CRISP1: variants seen among roughly 807,000 people sequenced by gnomAD.
CRISP1 encodes the protein cysteine-rich secretory protein 1.
CRISP1 carries 44 observed loss-of-function variants against 33.1 expected under a neutral mutation model. The observed-to-expected ratio is 1.33, with a 90% CI of 1.05 to 1.71. CRISP1 has a LOEUF of 1.71. Ranked by LOEUF, CRISP1 falls within the 40% of genes most tolerant of loss-of-function variation. The pLI is 0.00. For missense variants in CRISP1, 390 were observed against 301.2 expected (o/e 1.29, Z -2.18); for synonymous variants, 103 against 98.7 (o/e 1.04, Z -0.26).
intron 1 of CRISP1, among the ~76,000 whole-genome samples, chr6:49,873,588 T>A (rs1179855290): frequency 6.6e-6 from 1 of 152,076 alleles, no homozygotes; most frequent in African/African-American, 2.4e-5. Context: ...TAATTAAAAA[T>A]GAAGTTTTCA....
At chr6:49,842,937 GTCT>G (rs745511875) in intron 5 of CRISP1, among the ~76,000 whole-genome samples, 1 of 152,060 alleles carries the variant, frequency 6.6e-6, no homozygotes, top group Non-Finnish European at 1.5e-5. Flanking sequence ...TGATTTCATT[GTCT>G]TCATTCCTGG....
chr6:49,872,486 C>T (rs1771947663), intron 1 of CRISP1, among the ~76,000 whole-genome samples: 1 of 152,086 alleles, frequency 6.6e-6, no homozygotes, highest in Admixed American at 6.6e-5. Context: ...ATGCCTATGT[C>T]CTGAGTGGTG....
chr6:49,843,604 A>C (rs1273734185), intron 5 of CRISP1, among the ~76,000 whole-genome samples: 2 of 152,224 alleles, frequency 1.3e-5, no homozygotes, highest in African/African-American at 4.8e-5. Context: ...GGTTTAAGTC[A>C]TTCAGGAATG....
At chr6:49,861,558 G>A (rs1379381382) in intron 1 of CRISP1, among the ~76,000 whole-genome samples, 1 of 151,976 alleles carries the variant, frequency 6.6e-6, no homozygotes, top group Non-Finnish European at 1.5e-5. Flanking sequence ...ATCTCTTCCT[G>A]ACAAAAAACT....
chr6:49,875,229 A>G (rs377375023), intron 1 of CRISP1, among the ~76,000 whole-genome samples: 170 of 152,124 alleles, frequency 1.1e-3, no homozygotes, highest in Middle Eastern at 6.8e-3. Flanking sequence ...CAGAATACAA[A>G]GTCAATGTGC....
chr6:49,839,197 G>A (rs775873187), intron 6 of CRISP1, among the ~76,000 whole-genome samples: 5 of 145,896 alleles, frequency 3.4e-5, no homozygotes, highest in Non-Finnish European at 7.4e-5. Flanking sequence ...CACTTTGAGA[G>A]GGCAAAGTGG....
Position 49,835,126 on chromosome 6 carries a change from T to G in CRISP1, c.*190A>C. 2.0e-6 allele frequency: 1 copy of G among 501,976 alleles called. No individual in the cohort carries two copies. Among genetic ancestry groups the G allele is most frequent in the East Asian group, 3.2e-5 (1 of 30,890 alleles). The allele number at this position is 501,976 out of a possible 1,614,324, so 31.1% of individuals were successfully genotyped here. The stretch of plus-strand genomic sequence containing the variant: ...TTTAAGGCAGGTGTTGGACTTGACC[T>G]TTTACTCCAGCACTAAGAAAGTTTA... On this transcript the variant is annotated 3_prime_UTR_variant, in exon 8 of 8. Coordinates refer to ENST00000335847, the MANE Select transcript of CRISP1 (RefSeq NM_001131.3).
At chr6:49,872,346 A>T (rs1389359772) in intron 1 of CRISP1, among the ~76,000 whole-genome samples, 1 of 151,908 alleles carries the variant, frequency 6.6e-6, no homozygotes. Context: ...CCCATTTTGT[A>T]GGTTGCCTGT....
At chr6:49,859,939 A>G (rs1771601872) in intron 1 of CRISP1, among the ~76,000 whole-genome samples, 1 of 152,134 alleles carries the variant, frequency 6.6e-6, no homozygotes, top group African/African-American at 2.4e-5. Context: ...GCAAATGGAA[A>G]CCAAAACCAA....
intron 1 of CRISP1, among the ~76,000 whole-genome samples, chr6:49,864,916 A>C (rs1212362076): frequency 6.6e-6 from 1 of 152,078 alleles, no homozygotes; most frequent in African/African-American, 2.4e-5. Flanking sequence ...AAATCTAGCT[A>C]ATTTTTATTT....
At position 49,840,965 on chromosome 6, in the gene CRISP1, A is replaced by C; in HGVS notation, c.466T>G (p.Cys156Gly). 1 of 1,614,002 alleles carries C rather than the reference A, an allele frequency of 6.2e-7. No homozygotes were observed. The highest frequency in any genetic ancestry group is 8.5e-7 in the Non-Finnish European group (1 of 1,179,884). The change falls in exon 6 of 8, where the codon TGT (cysteine) becomes GGT (glycine). Residue 156 changes from cysteine (C) to glycine (G), a missense_variant. Physicochemically the swap from Cys to Gly is radical, Grantham distance 159. Coordinates refer to ENST00000335847, the MANE Select transcript of CRISP1 (RefSeq NM_001131.3). Reference sequence around the variant, plus strand: ...TGTTGGCGGCAAGATGCAATGGCACAGCCAATCAGGTAAGATGTGGCCCAA... The same window carrying C: ...TGTTGGCGGCAAGATGCAATGGCACCGCCAATCAGGTAAGATGTGGCCCAA... ...IVWATSYLIG[C>G]AIASCRQQGS... is the part of the protein sequence containing the mutation.
In CRISP1 at chr6:49,852,096, C is replaced by T. The variant is rs187785377; in HGVS notation, c.100G>A (p.Val34Ile). ...TCTTGTACATTTGGCAAGTCGGTGACGAGCTTATTAAATTGGTCTCTAGCT... is the reference window on the plus strand; with the variant it reads ...TCTTGTACATTTGGCAAGTCGGTGATGAGCTTATTAAATTGGTCTCTAGCT... ...KSARDQFNKL[V>I]TDLPNVQEEI... Residue 34 changes from valine (V) to isoleucine (I), a missense_variant, in exon 3 of 8, where the codon GTC becomes ATC. Transcript: ENST00000335847. 5.2e-5 allele frequency: 84 copies of T among 1,613,014 alleles called. No homozygotes were observed. The highest frequency in any genetic ancestry group is 3.2e-4 in the Admixed American group (19 of 59,860).
chr6:49,835,780 G>A (rs1366643135), intron 7 of CRISP1, among the ~76,000 whole-genome samples: 3 of 149,712 alleles, frequency 2.0e-5, no homozygotes, highest in Non-Finnish European at 3.0e-5. Context: ...ATAATTTTTT[G>A]TCTAATTATC....
chr6:49,852,766 T>A (rs1771388266), intron 2 of CRISP1, among the ~76,000 whole-genome samples: 1 of 152,170 alleles, frequency 6.6e-6, no homozygotes, highest in Admixed American at 6.6e-5. Context: ...ATTTATTTAT[T>A]TTTTATTCTG....
At position 49,840,899 on chromosome 6, in the gene CRISP1, C is replaced by G; in HGVS notation, c.532G>C (p.Glu178Gln). 6.2e-7 allele frequency: 1 copy of G among 1,610,850 alleles called. No individual in the cohort carries two copies. The highest frequency in any genetic ancestry group is 1.1e-5 in the South Asian group (1 of 90,940). Residue 178 changes from glutamate (E) to glutamine (Q), a missense_variant and splice_region_variant, in exon 6 of 8, where the codon GAG (glutamate) becomes CAG (glutamine). Glu to Gln is a conservative substitution (Grantham distance 29, BLOSUM62 2). Transcript: ENST00000335847. ...ATTTTAAAAACTAATAATACATACTCATGACAATAGTGACAAACGTAGAGA... is the reference window on the plus strand; with the variant it reads ...ATTTTAAAAACTAATAATACATACTGATGACAATAGTGACAAACGTAGAGA... ...RYLYVCHYCHEGNDPETKNEP... is the reference protein window; with the variant it reads ...RYLYVCHYCHQGNDPETKNEP...
rs1197178826 is a variant in CRISP1 at position 49,838,465 on chromosome 6, G to A, written c.594C>T (p.Cys198=). 13 of 1,612,936 alleles carry A rather than the reference G, an allele frequency of 8.1e-6. No homozygotes were observed. Among genetic ancestry groups the A allele is most frequent in the Non-Finnish European group, 1.0e-5 (12 of 1,179,408 alleles). The change falls in exon 7 of 8, where the codon TGC becomes TGT. Residue 198 remains cysteine (C), a synonymous_variant. Transcript: ENST00000335847. ...AAAGTTTGTCTTCACAGTTACTTGG[G>A]CAGGCTTCACATGGGACGCCTGTCT... ...PYKTGVPCEA[C]PSNCEDKLCT...
chr6:49,835,396 C>G lies in CRISP1; in HGVS notation c.670G>C (p.Val224Leu). Residue 224 changes from valine to leucine, a missense_variant, in exon 8 of 8, where the codon GTC becomes CTC. By Grantham distance (32) the Val-to-Leu change is conservative. Coordinates refer to ENST00000335847, the MANE Select transcript of CRISP1 (RefSeq NM_001131.3). ...YDEYFDCDIQ[V>L]HYLGCNHSTT... is the part of the protein sequence containing the mutation. The stretch of plus-strand genomic sequence containing the variant: ...GAGTGGTTGCATCCCAGATAATGGA[C>G]TTGTATGTCACAGTCGAAGTATTCA... 6.2e-7 allele frequency: 1 copy of G among 1,613,610 alleles called. No individual in the cohort carries two copies.
chr6:49,849,634 G>A (rs1771288925), intron 3 of CRISP1, among the ~76,000 whole-genome samples: 1 of 152,128 alleles, frequency 6.6e-6, no homozygotes, highest in Non-Finnish European at 1.5e-5. Flanking sequence ...AAGTCATAGA[G>A]TTTGTTTTTA....
chr6:49,869,868 G>A (rs367751424), upstream of CRISP1, among the ~76,000 whole-genome samples: 15 of 152,212 alleles, frequency 9.9e-5, no homozygotes, highest in East Asian at 7.7e-4. Context: ...CTTCAATCTC[G>A]TTTATAAGGG....
Sources: allele counts gnomAD v4.1 joint callset (sites outside exome capture counted in the v4.1 genomes callset), GRCh38; gene constraint gnomAD v4.1.1; transcripts MANE v1.5; gene names NCBI Gene and HGNC (gene_info 2026-07-23, HGNC 2026-07-21).